Variants in PEMT observed in about 807,000 individuals in gnomAD.
The protein encoded by PEMT is phospholipid methyltransferase.
A neutral mutation model predicts 27.4 loss-of-function variants in PEMT; 23 were observed. The ratio of observed to expected loss-of-function variants is 0.84; its 90% CI spans 0.60 to 1.19. PEMT has a LOEUF of 1.19. Among genes scored for constraint, PEMT ranks in the 50% most tolerant of loss-of-function variants. The pLI, the probability that PEMT is intolerant of heterozygous loss-of-function variation, is 0.00. For missense variants in PEMT, 307 were observed against 310.1 expected, an observed-to-expected ratio of 0.99 and a Z score of 0.07; for synonymous variants, 137 against 139.1, an observed-to-expected ratio of 0.98 and a Z score of 0.11.
At chr17:17,578,093 G>T (rs866896794) in intron 1 of PEMT, among the ~76,000 whole-genome samples, 1 of 151,308 alleles carries the variant, frequency 6.6e-6, no homozygotes, top group Admixed American at 6.6e-5. Flanking sequence ...GAGTAGAAGA[G>T]CAGGCTGCAT....
At chr17:17,508,603 C>A (rs1906089916) in intron 5 of PEMT, among the ~76,000 whole-genome samples, 1 of 152,162 alleles carries the variant, frequency 6.6e-6, no homozygotes, top group Admixed American at 6.5e-5. Flanking sequence ...ACACTGTCTG[C>A]CAAAAAACCT....
intron 1 of PEMT, among the ~76,000 whole-genome samples, chr17:17,584,708 T>C (rs954512506): frequency 2.6e-5 from 4 of 152,132 alleles, no homozygotes; most frequent in South Asian, 2.1e-4. Context: ...TTGAAGACAA[T>C]AGTAACAATA....
At chr17:17,520,337 G>T (rs1907171581) in intron 3 of PEMT, among the ~76,000 whole-genome samples, 1 of 152,214 alleles carries the variant, frequency 6.6e-6, no homozygotes, top group Non-Finnish European at 1.5e-5. Context: ...AGCCTGGGTG[G>T]TGCCGGTGCC....
chr17:17,538,660 TATG>T (rs1197396757), intron 2 of PEMT, among the ~76,000 whole-genome samples: 1 of 152,278 alleles, frequency 6.6e-6, no homozygotes, highest in African/African-American at 2.4e-5. Flanking sequence ...CTACTGCATT[TATG>T]ATGTCTGATT....
At chr17:17,590,486 A>T (rs1912535567) in intron 1 of PEMT, among the ~76,000 whole-genome samples, 1 of 151,990 alleles carries the variant, frequency 6.6e-6, no homozygotes, top group Admixed American at 6.6e-5. Context: ...TCTTCAAAAC[A>T]CTAACTGGTA....
intron 2 of PEMT, among the ~76,000 whole-genome samples, chr17:17,566,284 C>A (rs1404736746): frequency 1.3e-5 from 2 of 152,148 alleles, no homozygotes; most frequent in South Asian, 4.1e-4. Flanking sequence ...AACAGCCAAG[C>A]GGGTTGTGCG....
intron 5 of PEMT, among the ~76,000 whole-genome samples, chr17:17,506,738 GA>G (rs1905888600): frequency 6.6e-6 from 1 of 152,192 alleles, no homozygotes; most frequent in African/African-American, 2.4e-5. Context: ...TTCTAGAAAT[GA>G]GTCCAGGGTC....
In PEMT at chr17:17,591,544, A is replaced by G; in HGVS notation, c.83T>C (p.Ile28Thr). 2.5e-6 allele frequency: 4 copies of G among 1,613,124 alleles called. No individual in the cohort carries two copies. The highest frequency in any genetic ancestry group is 3.4e-6 in the Non-Finnish European group (4 of 1,179,382). The change falls in exon 1 of 7, where the codon ATT (isoleucine) becomes ACT (threonine). Residue 28 changes from isoleucine (I) to threonine (T), a missense_variant. By Grantham distance (89) the Ile-to-Thr change is moderately conservative (BLOSUM62 -1). Transcript: ENST00000255389. Reference protein sequence around the residue: ...GPDCCGGLGNIDFRQADFCVM... With the variant: ...GPDCCGGLGNTDFRQADFCVM... ...TGCGGTCAGTACCTGTCTAAAATCAATATTGCCGAGGCCTCCGCAGCAGTC... is the reference window on the plus strand; with the variant it reads ...TGCGGTCAGTACCTGTCTAAAATCAGTATTGCCGAGGCCTCCGCAGCAGTC...
chr17:17,515,425 C>A (rs771292807), intron 3 of PEMT, among the ~76,000 whole-genome samples: 182 of 152,328 alleles, frequency 1.2e-3, no homozygotes, highest in Non-Finnish European at 2.0e-3. Flanking sequence ...CTCAGTCCCC[C>A]AGCTGCTCCT....
intron 3 of PEMT, among the ~76,000 whole-genome samples, chr17:17,516,318 T>C (rs1228430315): frequency 1.3e-5 from 2 of 151,452 alleles, no homozygotes; most frequent in East Asian, 1.9e-4. Context: ...TGTTCATCTA[T>C]GCAACCCCCG....
rs1906552260 is a variant in PEMT at position 17,513,182 on chromosome 17, G to A, written c.321-528C>T. Among the ~76,000 whole-genome samples, 1 of 152,224 alleles carries A rather than the reference G, an allele frequency of 6.6e-6. No homozygotes were observed. Among genetic ancestry groups the A allele is most frequent in the African/African-American group, 2.4e-5 (1 of 41,462 alleles). ...CGCTTCCACAGCCCCTGTGGGTCTG[G>A]CCACATCCTGGGTGGCTTGACTTGC... On this transcript the variant is annotated intron_variant, in intron 3 of 6. Coordinates refer to ENST00000255389, the MANE Select transcript of PEMT (RefSeq NM_148172.3). This position sits in a 1 kb window ranked among gnomAD's most constrained non-coding sequence, Gnocchi z 4.1.
intron 2 of PEMT, among the ~76,000 whole-genome samples, chr17:17,566,258 G>A (rs1910818201): frequency 1.3e-5 from 2 of 152,230 alleles, no homozygotes; most frequent in African/African-American, 2.4e-5. Context: ...GAGAAAGAAG[G>A]CATGAGAAAG....
chr17:17,554,522 C>T (rs960701323), intron 2 of PEMT, among the ~76,000 whole-genome samples: 2 of 152,246 alleles, frequency 1.3e-5, no homozygotes, highest in Non-Finnish European at 2.9e-5. Context: ...GAGCTGCGAG[C>T]GGCACAGGCT....
chr17:17,551,599 G>A (rs890962108), intron 2 of PEMT, among the ~76,000 whole-genome samples: 1 of 152,204 alleles, frequency 6.6e-6, no homozygotes, highest in East Asian at 1.9e-4. Flanking sequence ...GTCACAGGAT[G>A]CCCCGAACAG....
intron 2 of PEMT, among the ~76,000 whole-genome samples, chr17:17,562,022 G>T (rs369958904): frequency 6.6e-6 from 1 of 152,216 alleles, no homozygotes; most frequent in Non-Finnish European, 1.5e-5. Context: ...GCGCTTGGAG[G>T]GCCTCTTCCT....
chr17:17,519,474 C>T (rs1907106858), intron 3 of PEMT, among the ~76,000 whole-genome samples: 2 of 152,180 alleles, frequency 1.3e-5, no homozygotes, highest in African/African-American at 4.8e-5. Context: ...TGACTTCCTC[C>T]AGCTACCCCA....
At chr17:17,553,124 T>C (rs898003686) in intron 2 of PEMT, among the ~76,000 whole-genome samples, 2 of 152,204 alleles carry the variant, frequency 1.3e-5, no homozygotes, top group Admixed American at 1.3e-4. Context: ...ACACACGGTG[T>C]CCTCAGGGAC....
At chr17:17,568,166 T>A (rs1386868497) in intron 2 of PEMT, among the ~76,000 whole-genome samples, 1 of 152,092 alleles carries the variant, frequency 6.6e-6, no homozygotes, top group Non-Finnish European at 1.5e-5. Context: ...GTCCACCTTT[T>A]GTCTACACTC....
chr17:17,516,748 C>T (rs774937212), intron 3 of PEMT, among the ~76,000 whole-genome samples: 1 of 152,132 alleles, frequency 6.6e-6, no homozygotes, highest in Non-Finnish European at 1.5e-5. Context: ...CCACTCTTGC[C>T]GAACTGCAGC....
Sources: allele counts gnomAD v4.1 joint callset (sites outside exome capture counted in the v4.1 genomes callset), GRCh38; gene constraint gnomAD v4.1.1; non-coding constraint Gnocchi (gnomAD v3.1); transcripts MANE v1.5; gene names NCBI Gene and HGNC (gene_info 2026-07-23, HGNC 2026-07-21).